The following MECOM variants were observed in gnomAD, a reference collection of about 807,000 sequenced individuals.
MECOM encodes MDS1 and EVI1 complex locus.
MECOM carries 13 observed loss-of-function variants against 116.3 expected under a neutral mutation model. That is an observed-to-expected ratio of 0.11 (90% CI 0.07 to 0.18). The LOEUF (loss-of-function observed/expected upper bound fraction) is 0.18. MECOM is among the 10% of genes least tolerant of loss of function. MECOM has a pLI of 1.00. For synonymous variants in MECOM, 528 were observed against 535.2 expected, an observed-to-expected ratio of 0.99 and a Z score of 0.19; for missense variants, 1,299 against 1,509.0, an observed-to-expected ratio of 0.86 and a Z score of 2.31.
chr3:169,118,560 A>G (rs946511015), intron 7 of MECOM, among the ~76,000 whole-genome samples: 1 of 152,192 alleles, frequency 6.6e-6, no homozygotes, highest in African/African-American at 2.4e-5. Context: ...CAATAACAAT[A>G]TTTTATTATT....
intron 1 of MECOM, among the ~76,000 whole-genome samples, chr3:169,659,347 C>A (rs1775946130): frequency 6.6e-6 from 1 of 150,780 alleles, no homozygotes; most frequent in African/African-American, 2.4e-5. Flanking sequence ...GCTTTTTAGC[C>A]TTTCTGCCTC....
intron 1 of MECOM, among the ~76,000 whole-genome samples, chr3:169,436,135 T>C (rs1473852048): frequency 6.6e-6 from 1 of 152,026 alleles, no homozygotes; most frequent in Non-Finnish European, 1.5e-5. Context: ...CTTATTTGTA[T>C]GCACGTCTTT....
chr3:169,098,959 A>C (rs1385681403), intron 12 of MECOM, among the ~76,000 whole-genome samples: 2 of 152,198 alleles, frequency 1.3e-5, no homozygotes, highest in Non-Finnish European at 2.9e-5. Flanking sequence ...CAACACTGAT[A>C]CATTAACTAA....
chr3:169,604,238 TCTCC>T (rs1183514004), intron 1 of MECOM, among the ~76,000 whole-genome samples: 4 of 151,364 alleles, frequency 2.6e-5, no homozygotes, highest in East Asian at 3.9e-4. Context: ...TCTCTCTCTC[TCTCC>T]CTCCCTCCCT....
rs11707470 is a variant in MECOM at position 169,378,458 on chromosome 3, C to G, written c.375+2729G>C. Among the ~76,000 whole-genome samples the G allele has an allele frequency of 2.6e-4, 11 of 41,830 alleles. 4 individuals carry two copies. The highest frequency in any genetic ancestry group is 1.4e-3 in the African/African-American group (11 of 8,072). The allele number at this position is 41,830 out of a possible 152,430, so 27.4% of individuals were successfully genotyped here. On this transcript the variant is annotated intron_variant, in intron 2 of 16. Transcript: ENST00000651503. ...GAAAGAAAGAAAGAAAGAAGGAAAGCAAGCAAGCAAGCAAGCAAGAAAGAG... is the reference window on the plus strand; with the variant it reads ...GAAAGAAAGAAAGAAAGAAGGAAAGGAAGCAAGCAAGCAAGCAAGAAAGAG...
intron 2 of MECOM, among the ~76,000 whole-genome samples, chr3:169,200,462 T>C (rs1361932532): frequency 6.6e-6 from 1 of 151,870 alleles, no homozygotes; most frequent in African/African-American, 2.4e-5. Flanking sequence ...AAGATCTAGG[T>C]TTGTCTAAAA....
intron 10 of MECOM, among the ~76,000 whole-genome samples, chr3:169,103,925 C>T (rs1427640358): frequency 6.6e-6 from 1 of 152,114 alleles, no homozygotes; most frequent in East Asian, 1.9e-4. Context: ...CATGCCCGGA[C>T]TCCTAATGTT....
At chr3:169,146,429 G>A in intron 2 of MECOM, 1 of 1,391,792 alleles carries the variant, frequency 7.2e-7, no homozygotes, top group Non-Finnish European at 9.6e-7. Flanking sequence ...GGGGAAGGAG[G>A]AGAAGAGCGC....
At chr3:169,196,295 AATC>A (rs1381921662) in intron 2 of MECOM, among the ~76,000 whole-genome samples, 1 of 152,048 alleles carries the variant, frequency 6.6e-6, no homozygotes, top group Non-Finnish European at 1.5e-5. Context: ...GTCCTGAGAT[AATC>A]ATTTTCTAAG....
chr3:169,538,254 T>G (rs1299530625), intron 1 of MECOM, among the ~76,000 whole-genome samples: 1 of 152,220 alleles, frequency 6.6e-6, no homozygotes, highest in African/African-American at 2.4e-5. Flanking sequence ...TCTCTTTTAT[T>G]CTAACTGGTG....
intron 16 of MECOM, among the ~76,000 whole-genome samples, chr3:169,086,833 A>C (rs765772361): frequency 2.0e-5 from 3 of 152,194 alleles, no homozygotes; most frequent in Non-Finnish European, 4.4e-5. Flanking sequence ...TAAATATATG[A>C]ATGCTTTGAC....
Position 169,458,427 on chromosome 3 carries a change from C to T in MECOM, c.38-76903G>A, listed in dbSNP as rs1028365329. ...TCAGCAGATGCCACTTATCCAACAG[C>T]GCCGAGATATAAATGTTTTTGGCTG... On this transcript the variant is annotated intron_variant, in intron 1 of 16. Transcript: ENST00000651503. Among the ~76,000 whole-genome samples, 3 of 152,184 alleles carry T rather than the reference C, an allele frequency of 2.0e-5. No individual in the cohort carries two copies. The East Asian group carries it at 5.8e-4, about 29-fold the overall frequency.
intron 2 of MECOM, among the ~76,000 whole-genome samples, chr3:169,305,742 T>C (rs912245991): frequency 6.6e-6 from 1 of 152,114 alleles, no homozygotes; most frequent in Admixed American, 6.6e-5. Flanking sequence ...AATCTAAGAG[T>C]GATATGTACA....
chr3:169,474,426 T>C (rs1373882367), intron 1 of MECOM, among the ~76,000 whole-genome samples: 3 of 152,190 alleles, frequency 2.0e-5, no homozygotes, highest in Non-Finnish European at 4.4e-5. Context: ...ACATAAAATA[T>C]CCTTGAAAAT....
intron 2 of MECOM, among the ~76,000 whole-genome samples, chr3:169,153,357 G>C (rs1223312647): frequency 1.3e-5 from 2 of 152,044 alleles, no homozygotes; most frequent in African/African-American, 4.8e-5. Context: ...ACAACTGGTT[G>C]TTTTATATCA....
chr3:169,398,211 C>G (rs1320324429), intron 1 of MECOM, among the ~76,000 whole-genome samples: 2 of 152,034 alleles, frequency 1.3e-5, no homozygotes, highest in Non-Finnish European at 2.9e-5. Context: ...TCACTTGGTC[C>G]AAGATTATTC....
At chr3:169,540,977 A>G (rs1759995468) in intron 1 of MECOM, among the ~76,000 whole-genome samples, 1 of 152,216 alleles carries the variant, frequency 6.6e-6, no homozygotes, top group South Asian at 2.1e-4. Context: ...GGAGCCCTTC[A>G]AGAGCAGGGT....
chr3:169,133,150 T>C (rs1368690074), intron 3 of MECOM, among the ~76,000 whole-genome samples: 1 of 151,038 alleles, frequency 6.6e-6, no homozygotes, highest in Non-Finnish European at 1.5e-5. Context: ...ACCAAAACAA[T>C]AACACAACAA....
At chr3:169,344,438 TAAG>T (rs1190375046) in intron 2 of MECOM, among the ~76,000 whole-genome samples, 10 of 152,098 alleles carry the variant, frequency 6.6e-5, no homozygotes, top group Non-Finnish European at 1.5e-5. Flanking sequence ...GCGGGACAAA[TAAG>T]AAGAGATGTA....
Sources: gnomAD v4.1 joint callset for allele counts (sites outside exome capture counted in the v4.1 genomes callset) on GRCh38, gnomAD v4.1.1 for gene constraint, MANE v1.5 for transcripts, NCBI Gene and HGNC (gene_info 2026-07-23, HGNC 2026-07-21) for gene names.